USP37: variants seen among roughly 807,000 people sequenced by gnomAD.
USP37 encodes ubiquitin carboxyl-terminal hydrolase 37.
USP37 carries 27 observed loss-of-function variants against 124.0 expected under a neutral mutation model. That is an observed-to-expected ratio of 0.22 (90% CI 0.16 to 0.30). The LOEUF is 0.30. USP37 is among the 10% of genes least tolerant of loss of function. The pLI, the probability that USP37 is intolerant of heterozygous loss-of-function variation, is 1.00. For synonymous variants in USP37, 365 were observed against 388.0 expected (o/e 0.94, Z 0.70); for missense variants, 889 against 1,140.4 (o/e 0.78, Z 3.17).
At chr2:218,557,183 T>C (rs1235374124) in intron 4 of USP37, among the ~76,000 whole-genome samples, 1 of 152,204 alleles carries the variant, frequency 6.6e-6, no homozygotes, top group Non-Finnish European at 1.5e-5. Flanking sequence ...CTTAGCACAA[T>C]ATCCATAGCA....
intron 13 of USP37, among the ~76,000 whole-genome samples, chr2:218,496,682 CTT>C (rs1302151068): frequency 1.3e-5 from 2 of 151,950 alleles, no homozygotes; most frequent in East Asian, 1.9e-4. Context: ...GATTTTCGCT[CTT>C]GTCACACAGG....
At chr2:218,528,841 A>T in intron 10 of USP37, 3 of 353,332 alleles carry the variant, frequency 8.5e-6, no homozygotes, top group Non-Finnish European at 1.4e-5. Context: ...AAAAAAAAAA[A>T]GAGCTTATCT....
chr2:218,475,069 A>T, intron 19 of USP37, 184 bp from the exon 20 acceptor site: 1 of 457,618 alleles, frequency 2.2e-6, no homozygotes, highest in East Asian at 3.5e-5. Flanking sequence ...TAATAAATAC[A>T]TAAGAATACA....
intron 10 of USP37, among the ~76,000 whole-genome samples, chr2:218,516,455 C>A (rs1443825548): frequency 1.3e-5 from 2 of 151,950 alleles, no homozygotes; most frequent in African/African-American, 4.8e-5. Flanking sequence ...AAACCAAACA[C>A]TGCACGTTCT....
intron 8 of USP37, among the ~76,000 whole-genome samples, chr2:218,535,192 C>T (rs923491287): frequency 6.7e-6 from 1 of 149,528 alleles, no homozygotes; most frequent in African/African-American, 2.5e-5. Flanking sequence ...AGTGAAACCC[C>T]GTCTCAACTA....
chr2:218,526,233 T>G (rs1027611272), intron 10 of USP37, among the ~76,000 whole-genome samples: 1 of 152,062 alleles, frequency 6.6e-6, no homozygotes, highest in African/African-American at 2.4e-5. Context: ...TGAATGGTTA[T>G]TTATTTATTT....
At chr2:218,532,509 C>T (rs1050667891) in intron 9 of USP37, among the ~76,000 whole-genome samples, 1 of 151,518 alleles carries the variant, frequency 6.6e-6, no homozygotes, top group Non-Finnish European at 1.5e-5. Flanking sequence ...GCCACAGCTG[C>T]CTTAGCCTTC....
At chr2:218,526,495 C>T (rs1690974017) in intron 10 of USP37, among the ~76,000 whole-genome samples, 2 of 152,250 alleles carry the variant, frequency 1.3e-5, no homozygotes, top group Admixed American at 1.3e-4. Context: ...AATGGCCACA[C>T]TCTCTTCCAC....
In USP37 at chr2:218,452,503, A is replaced by G. The variant is rs1007806924; in HGVS notation, c.*2427T>C. On this transcript the variant is annotated 3_prime_UTR_variant, in exon 26 of 26. Transcript: ENST00000258399. ...TAGATTAAAGGAGTAAAGGAAGGAGAAGGCTGATAGGGCCACAAGAATGGA... is the reference window on the plus strand; with the variant it reads ...TAGATTAAAGGAGTAAAGGAAGGAGGAGGCTGATAGGGCCACAAGAATGGA... 5.9e-5 allele frequency: 9 copies of G among 152,214 alleles called. No homozygotes were observed. Among genetic ancestry groups the G allele is most frequent in the African/African-American group, 1.9e-4 (8 of 41,462 alleles). The allele number at this position is 152,214 out of a possible 1,614,324, so 9.4% of individuals were successfully genotyped here. A position where few individuals can be genotyped will look rare whatever the true frequency, so the allele number is the denominator to read the frequency against.
At chr2:218,465,050 G>A (rs566071681) in intron 21 of USP37, among the ~76,000 whole-genome samples, 2 of 152,174 alleles carry the variant, frequency 1.3e-5, no homozygotes, top group Non-Finnish European at 2.9e-5. Flanking sequence ...CTACATTCCA[G>A]CCTGGGCAAC....
At chr2:218,529,233 C>T (rs779793822) in intron 10 of USP37, among the ~76,000 whole-genome samples, 5 of 152,140 alleles carry the variant, frequency 3.3e-5, no homozygotes, top group African/African-American at 7.2e-5. Context: ...TGGTCGGATG[C>T]GATGGCTCAC....
intron 10 of USP37, among the ~76,000 whole-genome samples, chr2:218,517,563 C>T (rs1690367096): frequency 6.6e-6 from 1 of 152,144 alleles, no homozygotes; most frequent in Non-Finnish European, 1.5e-5. Flanking sequence ...TTTCTGGCTT[C>T]TACAATTGCT....
In USP37 at chr2:218,485,714, C is replaced by T; in HGVS notation, c.1620G>A (p.Lys540=). The stretch of plus-strand genomic sequence containing the variant: ...TGACAAGAGCACACTTCCCACCACA[C>T]TTCTCACAAGAATACTCCAGTTCTT... ...RAEELEYSCE[K]CGGKCALVRH... is the part of the protein sequence containing the mutation. The change falls in exon 16 of 26, where the codon AAG becomes AAA. Residue 540 remains lysine, a synonymous_variant. Coordinates refer to ENST00000258399, the MANE Select transcript of USP37 (RefSeq NM_020935.3). 1 of 1,608,742 alleles carries T rather than the reference C, an allele frequency of 6.2e-7. No individual in the cohort carries two copies.
intron 11 of USP37, among the ~76,000 whole-genome samples, chr2:218,508,669 A>C (rs1226391756): frequency 6.6e-6 from 1 of 152,200 alleles, no homozygotes; most frequent in African/African-American, 2.4e-5. Flanking sequence ...GAGGTTGAAC[A>C]ATTAGAATGA....
chr2:218,505,723 T>C (rs1465991793), intron 11 of USP37, among the ~76,000 whole-genome samples: 1 of 152,192 alleles, frequency 6.6e-6, no homozygotes, highest in Non-Finnish European at 1.5e-5. Context: ...GATTTTTCCT[T>C]GTCTTTAAAG....
Position 218,459,232 on chromosome 2 carries a change from G to A in USP37, c.2643+558C>T, listed in dbSNP as rs768920746. ...TTTTTTCCCCCCGAGATGGAGTTTC[G>A]CTCTTGTTGCCCAGGCTGGAGTACA... On this transcript the variant is annotated intron_variant, in intron 23 of 25. Transcript: ENST00000258399. 7.2e-5 allele frequency among the ~76,000 whole-genome samples: 11 copies of A among 151,906 alleles called. No individual in the cohort carries two copies. In the East Asian group the frequency reaches 1.2e-3, roughly 16 times the overall value.
At chr2:218,517,934 C>T (rs1216638992) in intron 10 of USP37, among the ~76,000 whole-genome samples, 2 of 152,054 alleles carry the variant, frequency 1.3e-5, no homozygotes, top group South Asian at 2.1e-4. Context: ...GTTCAGATCA[C>T]TAATTCTCTC....
At chr2:218,517,454 GAT>G (rs1430323037) in intron 10 of USP37, among the ~76,000 whole-genome samples, 2 of 152,086 alleles carry the variant, frequency 1.3e-5, no homozygotes, top group African/African-American at 4.8e-5. Flanking sequence ...TGTTTTGTAT[GAT>G]AGTGTCTATT....
At chr2:218,467,891 G>GTTT (rs1206063613) in intron 20 of USP37, among the ~76,000 whole-genome samples, 279 of 139,696 alleles carry the variant, frequency 2.0e-3, no homozygotes, top group Middle Eastern at 7.5e-3. Context: ...TGTTTTTTTT[G>GTTT]TTTTTTTTTT....
Sources: allele counts gnomAD v4.1 joint callset (sites outside exome capture counted in the v4.1 genomes callset), GRCh38; gene constraint gnomAD v4.1.1; transcripts MANE v1.5; gene names NCBI Gene and HGNC (gene_info 2026-07-23, HGNC 2026-07-21).